The following SAMD12 variants were observed in gnomAD, a reference collection of about 807,000 sequenced individuals.
The protein encoded by SAMD12 is sterile alpha motif domain-containing protein 12.
A neutral mutation model predicts 15.0 loss-of-function variants in SAMD12; 9 were observed. The observed-to-expected ratio is 0.60, with a 90% confidence interval of 0.36 to 1.05. The LOEUF is 1.05. Among genes scored for constraint, SAMD12 ranks in the 50% least tolerant of loss-of-function variants. The pLI, the probability that SAMD12 is intolerant of heterozygous loss-of-function variation, is 0.01. For synonymous variants in SAMD12, 86 were observed against 90.1 expected (o/e 0.96, Z 0.25); for missense variants, 230 against 234.2 (o/e 0.98, Z 0.12).
intron 2 of SAMD12, among the ~76,000 whole-genome samples, chr8:118,467,640 T>C (rs953092263): frequency 2.0e-5 from 3 of 152,182 alleles, no homozygotes; most frequent in Non-Finnish European, 2.9e-5. Context: ...TTGTTAGATA[T>C]CGACTCTAGG....
At chr8:118,270,315 A>C (rs1032368203) in intron 4 of SAMD12, among the ~76,000 whole-genome samples, 1 of 152,204 alleles carries the variant, frequency 6.6e-6, no homozygotes, top group African/African-American at 2.4e-5. Flanking sequence ...AATCAGAAGG[A>C]AAATGTTATA....
chr8:118,272,198 T>C (rs1044115595), intron 4 of SAMD12, among the ~76,000 whole-genome samples: 5 of 152,234 alleles, frequency 3.3e-5, no homozygotes, highest in African/African-American at 9.6e-5. Flanking sequence ...TTGATCTCTG[T>C]GTACCCACAG....
intron 2 of SAMD12, among the ~76,000 whole-genome samples, chr8:118,449,779 C>T (rs1165750051): frequency 4.4e-5 from 5 of 112,714 alleles, no homozygotes; most frequent in Admixed American, 1.3e-4. Flanking sequence ...CCGGCCTGGG[C>T]ATCAGAGCGA....
At chr8:118,530,963 C>T (rs1394734812) in intron 2 of SAMD12, among the ~76,000 whole-genome samples, 1 of 152,182 alleles carries the variant, frequency 6.6e-6, no homozygotes, top group Non-Finnish European at 1.5e-5. Context: ...GCCTCAGGTT[C>T]CCAAGTAGCT....
In SAMD12 at chr8:118,589,073, G is replaced by A. The variant is rs535428563; in HGVS notation, c.14-8180C>T. On this transcript the variant is annotated intron_variant, in intron 1 of 3. Transcript: ENST00000314727. ...ACATGTCCACCCCCAGCAAGTCTAA[G>A]TGGCCAATAATAGATGGCTCCCCTA... Among the ~76,000 whole-genome samples the A allele has an allele frequency of 2.6e-5, 4 of 152,296 alleles. No individual in the cohort carries two copies. The South Asian group carries it at 8.3e-4, about 32-fold the overall frequency.
intron 4 of SAMD12, among the ~76,000 whole-genome samples, chr8:118,314,323 G>A (rs1397811971): frequency 6.6e-6 from 1 of 152,010 alleles, no homozygotes; most frequent in East Asian, 1.9e-4. Flanking sequence ...AGACTCACAG[G>A]AAGTTTCAGA....
chr8:118,142,305 T>G, the SAMD12 span, among the ~76,000 whole-genome samples: 7 of 152,190 alleles, frequency 4.6e-5, no homozygotes, highest in Non-Finnish European at 1.0e-4. Flanking sequence ...AGCACCCACA[T>G]TCCCCCTTTA....
the SAMD12 span, among the ~76,000 whole-genome samples, chr8:118,144,102 G>A: frequency 6.6e-6 from 1 of 152,040 alleles, no homozygotes; most frequent in South Asian, 2.1e-4. Flanking sequence ...TGCCTCCGTG[G>A]TCATGTTGCC....
chr8:118,318,316 A>G (rs1434894519), intron 4 of SAMD12, among the ~76,000 whole-genome samples: 1,891 of 12,442 alleles, frequency 0.15, 44 homozygotes, highest in South Asian at 0.4. Flanking sequence ...ATGTGTATAT[A>G]TATATATATA....
intron 4 of SAMD12, among the ~76,000 whole-genome samples, chr8:118,350,745 C>T (rs376997660): frequency 3.3e-5 from 5 of 152,238 alleles, no homozygotes; most frequent in African/African-American, 1.2e-4. Flanking sequence ...AAAGGCTAAC[C>T]GTATTTTGGT....
At chr8:118,541,017 A>T (rs1366013627) in intron 2 of SAMD12, among the ~76,000 whole-genome samples, 2 of 152,210 alleles carry the variant, frequency 1.3e-5, no homozygotes, top group Non-Finnish European at 2.9e-5. Flanking sequence ...CAACTGGCAG[A>T]ATTGCGTAAA....
intron 3 of SAMD12, among the ~76,000 whole-genome samples, chr8:118,386,845 C>G (rs1375931962): frequency 1.3e-5 from 2 of 152,320 alleles, no homozygotes; most frequent in East Asian, 3.9e-4. Flanking sequence ...ACAGGGGAAG[C>G]TGGAGGTGAG....
At chr8:118,427,881 A>G (rs977466964) in intron 3 of SAMD12, among the ~76,000 whole-genome samples, 1 of 152,090 alleles carries the variant, frequency 6.6e-6, no homozygotes, top group Admixed American at 6.5e-5. Context: ...TCCATATTAA[A>G]CTCACATACA....
At chr8:118,148,008 G>A in the SAMD12 span, among the ~76,000 whole-genome samples, 2 of 151,270 alleles carry the variant, frequency 1.3e-5, no homozygotes, top group Non-Finnish European at 2.9e-5. Flanking sequence ...TCTCACTGCA[G>A]CCTCTGCCAC....
intron 3 of SAMD12, among the ~76,000 whole-genome samples, chr8:118,393,008 A>G (rs983793535): frequency 2.6e-5 from 4 of 152,182 alleles, no homozygotes; most frequent in Non-Finnish European, 5.9e-5. Context: ...ATAGGGGTTT[A>G]TAGGACTCAG....
At chr8:118,358,792 T>C (rs1215253730) in intron 4 of SAMD12, among the ~76,000 whole-genome samples, 1 of 152,160 alleles carries the variant, frequency 6.6e-6, no homozygotes, top group Non-Finnish European at 1.5e-5. Context: ...TAAAGACTGC[T>C]AATTGGCTGA....
At chr8:118,140,422 C>A in the SAMD12 span, among the ~76,000 whole-genome samples, 1 of 152,070 alleles carries the variant, frequency 6.6e-6, no homozygotes, top group Non-Finnish European at 1.5e-5. Flanking sequence ...CAGGCATATG[C>A]CACCATGCCT....
At chr8:118,599,739 CAG>C (rs1827813143) in intron 1 of SAMD12, among the ~76,000 whole-genome samples, 1 of 152,190 alleles carries the variant, frequency 6.6e-6, no homozygotes, top group Admixed American at 6.5e-5. Flanking sequence ...GCAGTCCAAT[CAG>C]AGAGACCTTA....
intron 4 of SAMD12, among the ~76,000 whole-genome samples, chr8:118,216,894 G>A (rs10808496): frequency 0.5 from 76,068 of 152,138 alleles, 20,832 homozygotes; most frequent in Non-Finnish European, 0.62. Flanking sequence ...CTGCTAATGT[G>A]ACTTTGTGTG....
Sources: gnomAD v4.1 joint callset for allele counts (sites outside exome capture counted in the v4.1 genomes callset) on GRCh38, gnomAD v4.1.1 for gene constraint, MANE v1.5 for transcripts, NCBI Gene and HGNC (gene_info 2026-07-23, HGNC 2026-07-21) for gene names.